CSMD1: variants seen among roughly 807,000 people sequenced by gnomAD.
CSMD1 encodes CUB and sushi domain-containing protein 1.
A neutral mutation model predicts 417.5 loss-of-function variants in CSMD1; 213 were observed. The ratio of observed to expected loss-of-function variants is 0.51; its 90% CI spans 0.46 to 0.57. CSMD1 has a LOEUF of 0.57. Among genes scored for constraint, CSMD1 ranks in the 20% least tolerant of loss-of-function variants. The probability of loss-of-function intolerance (pLI) is 0.00; values close to 1 mark genes in which losing one functional copy is unlikely to be tolerated. For missense variants in CSMD1, 6,923 were observed against 4,529.7 expected (o/e 1.53, Z -15.17); for synonymous variants, 2,862 against 1,736.8 (o/e 1.65, Z -16.11).
rs554793988 is a variant in CSMD1 at position 4,456,614 on chromosome 8, C to A, written c.303-36549G>T. ...GGCTGTAGGGATAGAAGAGTAGAGG[C>A]AATATTAAACATATTTAATCATCAG... On this transcript the variant is annotated intron_variant, in intron 2 of 69. Transcript: ENST00000635120. Among the ~76,000 whole-genome samples the A allele has an allele frequency of 3.0e-4, 45 of 152,176 alleles. 2 individuals are homozygous for A. The South Asian group carries it at 9.3e-3, about 32-fold the overall frequency.
intron 1 of CSMD1, among the ~76,000 whole-genome samples, chr8:4,665,482 C>G (rs942266417): frequency 2.0e-5 from 3 of 152,176 alleles, no homozygotes; most frequent in Non-Finnish European, 2.9e-5. Flanking sequence ...ATTCCCAGCA[C>G]ACTGATAAGA....
At chr8:3,509,033 T>A (rs1341380593) in intron 10 of CSMD1, among the ~76,000 whole-genome samples, 2 of 152,220 alleles carry the variant, frequency 1.3e-5, no homozygotes, top group African/African-American at 4.8e-5. Context: ...TATCTGACCT[T>A]GGGCAAGACA....
intron 3 of CSMD1, among the ~76,000 whole-genome samples, chr8:4,089,383 C>T (rs892836669): frequency 6.6e-6 from 1 of 152,114 alleles, no homozygotes; most frequent in Non-Finnish European, 1.5e-5. Flanking sequence ...TTCAGAGGTT[C>T]TCTGAGAAGA....
chr8:4,976,488 A>T (rs1034142854), intron 1 of CSMD1, among the ~76,000 whole-genome samples: 1 of 152,200 alleles, frequency 6.6e-6, no homozygotes, highest in Non-Finnish European at 1.5e-5. Context: ...CTCCTATAAT[A>T]TTACGTTGTT....
intron 2 of CSMD1, among the ~76,000 whole-genome samples, chr8:4,442,441 T>C (rs1798539988): frequency 6.6e-6 from 1 of 152,208 alleles, no homozygotes; most frequent in Non-Finnish European, 1.5e-5. Flanking sequence ...AGCCCAGTTC[T>C]ATAAATACAT....
At chr8:4,290,596 T>C (rs1797307509) in intron 3 of CSMD1, among the ~76,000 whole-genome samples, 1 of 152,220 alleles carries the variant, frequency 6.6e-6, no homozygotes, top group Non-Finnish European at 1.5e-5. Flanking sequence ...TCATACAATT[T>C]ACCAAGGACA....
intron 15 of CSMD1, among the ~76,000 whole-genome samples, chr8:3,400,031 A>G (rs1811942202): frequency 6.6e-6 from 1 of 152,216 alleles, no homozygotes; most frequent in South Asian, 2.1e-4. Flanking sequence ...TGAGTGTGAA[A>G]CAAAACAAAA....
intron 61 of CSMD1, among the ~76,000 whole-genome samples, chr8:2,961,467 TC>T (rs569968238): frequency 1.2e-3 from 178 of 151,558 alleles, no homozygotes; most frequent in Admixed American, 3.0e-3. Flanking sequence ...GCATTTTTTT[TC>T]CATTCTCTGG....
intron 3 of CSMD1, among the ~76,000 whole-genome samples, chr8:4,224,075 T>G (rs1027208284): frequency 2.6e-5 from 4 of 152,142 alleles, no homozygotes; most frequent in Non-Finnish European, 5.9e-5. Flanking sequence ...GGCTAAAGGC[T>G]GATGGAACTG....
chr8:4,256,496 T>A (rs954428581), intron 3 of CSMD1, among the ~76,000 whole-genome samples: 2 of 152,158 alleles, frequency 1.3e-5, no homozygotes, highest in Non-Finnish European at 2.9e-5. Context: ...AGGTTCTCAG[T>A]GAGTGTATAA....
At chr8:4,073,126 T>G (rs1353659685) in intron 3 of CSMD1, among the ~76,000 whole-genome samples, 2 of 152,122 alleles carry the variant, frequency 1.3e-5, no homozygotes, top group South Asian at 4.1e-4. Flanking sequence ...ATTCTAGAAA[T>G]TGGCAGAACA....
chr8:4,195,379 T>C (rs972328553), intron 3 of CSMD1, among the ~76,000 whole-genome samples: 4 of 152,172 alleles, frequency 2.6e-5, no homozygotes, highest in Non-Finnish European at 4.4e-5. Context: ...TTCTATAACA[T>C]TTTTTAAAAT....
chr8:3,515,935 G>C (rs919001756), intron 10 of CSMD1, among the ~76,000 whole-genome samples: 1 of 152,324 alleles, frequency 6.6e-6, no homozygotes, highest in Middle Eastern at 3.4e-3. Context: ...ATGAATACTA[G>C]TATGTGTTTG....
In CSMD1 at chr8:3,776,967, G is replaced by A. The variant is rs181085586; in HGVS notation, c.819-22925C>T. On this transcript the variant is annotated intron_variant, in intron 5 of 69. Transcript: ENST00000635120. The stretch of plus-strand genomic sequence containing the variant: ...GATCTCAAGTGATTCTCCTACCTGG[G>A]CCTCCCATAGTGCTGGGATTACATG... Among the ~76,000 whole-genome samples, 564 of 151,860 alleles carry A rather than the reference G, an allele frequency of 3.7e-3. 2 individuals carry two copies. The highest frequency in any genetic ancestry group is 0.013 in the African/African-American group (517 of 41,348).
At chr8:4,730,792 G>A (rs924985971) in intron 1 of CSMD1, among the ~76,000 whole-genome samples, 2 of 151,874 alleles carry the variant, frequency 1.3e-5, no homozygotes, top group Admixed American at 6.6e-5. Context: ...AATGAATAGA[G>A]ACGGAGAAGT....
At chr8:4,524,478 C>T (rs190597534) in intron 2 of CSMD1, among the ~76,000 whole-genome samples, 6 of 151,418 alleles carry the variant, frequency 4.0e-5, no homozygotes, top group Non-Finnish European at 8.8e-5. Context: ...AGTGAGGCCA[C>T]GTTGGTGAAG....
At chr8:3,767,031 A>AAC (rs922086400) in intron 5 of CSMD1, among the ~76,000 whole-genome samples, 2 of 152,136 alleles carry the variant, frequency 1.3e-5, no homozygotes, top group Non-Finnish European at 2.9e-5. Flanking sequence ...GAGCTCTCAT[A>AAC]ACTCCGGAGC....
rs140467958 is a variant in CSMD1 at position 3,337,828 on chromosome 8, C to T, written c.3631+5466G>A. On this transcript the variant is annotated intron_variant, in intron 23 of 69. Coordinates refer to ENST00000635120, the MANE Select transcript of CSMD1 (RefSeq NM_033225.6). ...TAAACAAAAGTATTCCTTTGAGTGG[C>T]TCTGCTACAAACCCAAACCGTAAGT... is the stretch of plus-strand genomic sequence containing the variant. Among the ~76,000 whole-genome samples the T allele has an allele frequency of 2.1e-3, 316 of 152,230 alleles. 3 individuals are homozygous for T. Among genetic ancestry groups the T allele is most frequent in the African/African-American group, 7.2e-3 (300 of 41,518 alleles).
At chr8:3,380,740 G>A (rs184972419) in intron 18 of CSMD1, among the ~76,000 whole-genome samples, 147 of 152,168 alleles carry the variant, frequency 9.7e-4, no homozygotes, top group Admixed American at 1.3e-3. Context: ...GGTCCTGTTC[G>A]GAGAATGCAG....
Sources: allele counts gnomAD v4.1 joint callset (sites outside exome capture counted in the v4.1 genomes callset), GRCh38; gene constraint gnomAD v4.1.1; transcripts MANE v1.5; gene names NCBI Gene and HGNC (gene_info 2026-07-23, HGNC 2026-07-21).